Variants in FMNL2 observed in about 807,000 individuals in gnomAD.
FMNL2 encodes formin-like protein 2.
Under a neutral mutation model 130.2 loss-of-function variants are expected in FMNL2, and 51 were observed. That is an observed-to-expected ratio of 0.39 (90% CI 0.31 to 0.49). The LOEUF (loss-of-function observed/expected upper bound fraction) is 0.49. FMNL2 is among the 20% of genes least tolerant of loss of function. The pLI, the probability that FMNL2 is intolerant of heterozygous loss-of-function variation, is 0.85. For missense variants in FMNL2, 977 were observed against 1,316.2 expected (o/e 0.74, Z 3.99); for synonymous variants, 465 against 467.1 (o/e 1.00, Z 0.06).
At chr2:152,337,391 C>CTGTG (rs10524595) in intron 1 of FMNL2, among the ~76,000 whole-genome samples, 9,570 of 143,380 alleles carry the variant, frequency 0.067, 541 homozygotes, top group African/African-American at 0.15. Flanking sequence ...CTGTGGTGCT[C>CTGTG]TGTGTGTGTG....
Position 152,507,417 on chromosome 2 carries a change from TATGTC to T in FMNL2, c.118-14524_118-14520del, listed in dbSNP as rs1294155849. Among the ~76,000 whole-genome samples the T allele has an allele frequency of 9.2e-5, 14 of 152,246 alleles. No individual in the cohort carries two copies. In the East Asian group the frequency reaches 1.2e-3, roughly 13 times the overall value. ...GAATAGCTAAAGTTTATTGAACACTTATGTCAGGCACTGAGCTTGATGAAACACTT... is the reference window on the plus strand; with the variant it reads ...GAATAGCTAAAGTTTATTGAACACTTAGGCACTGAGCTTGATGAAACACTT... On this transcript the variant is annotated intron_variant, in intron 1 of 25. Transcript: ENST00000288670.
At chr2:152,414,796 T>C (rs1686516273) in intron 1 of FMNL2, among the ~76,000 whole-genome samples, 1 of 152,240 alleles carries the variant, frequency 6.6e-6, no homozygotes, top group Non-Finnish European at 1.5e-5. Context: ...ATGATTCTTC[T>C]TTTCCTAACT....
At chr2:152,457,963 A>G (rs1689046579) in intron 1 of FMNL2, among the ~76,000 whole-genome samples, 1 of 152,220 alleles carries the variant, frequency 6.6e-6, no homozygotes, top group Admixed American at 6.5e-5. Flanking sequence ...AAGGTTCTCC[A>G]TCTATGAGGA....
intron 1 of FMNL2, among the ~76,000 whole-genome samples, chr2:152,400,598 A>G (rs2105960469): frequency 6.6e-6 from 1 of 152,292 alleles, no homozygotes; most frequent in East Asian, 1.9e-4. Context: ...GTATATTTCT[A>G]CCTACCTGTT....
At chr2:152,544,492 TC>T (rs967576549) in intron 3 of FMNL2, among the ~76,000 whole-genome samples, 1 of 152,188 alleles carries the variant, frequency 6.6e-6, no homozygotes, top group Non-Finnish European at 1.5e-5. Context: ...CTGCACTATT[TC>T]TTTGCAAAGG....
chr2:152,346,046 A>G (rs1682101546), intron 1 of FMNL2, among the ~76,000 whole-genome samples: 1 of 151,806 alleles, frequency 6.6e-6, no homozygotes. Flanking sequence ...TTCTTTTTAG[A>G]TGGAGTCTCA....
chr2:152,646,167 A>AAACAAAC (rs3080633), intron 25 of FMNL2, among the ~76,000 whole-genome samples: 3 of 150,140 alleles, frequency 2.0e-5, no homozygotes, highest in Non-Finnish European at 4.4e-5. Context: ...CAAAAAAAAA[A>AAACAAAC]AAACAAACAA....
At chr2:152,614,096 G>A (rs1369648796) in intron 11 of FMNL2, among the ~76,000 whole-genome samples, 2 of 152,102 alleles carry the variant, frequency 1.3e-5, no homozygotes, top group African/African-American at 2.4e-5. Flanking sequence ...CCCACCTCTC[G>A]CCTAACCTTC....
chr2:152,385,876 G>A (rs916213747), intron 1 of FMNL2, among the ~76,000 whole-genome samples: 4 of 152,162 alleles, frequency 2.6e-5, no homozygotes, highest in East Asian at 3.8e-4. Flanking sequence ...TTACCCATGT[G>A]AAAATGCTTG....
chr2:152,594,721 T>C (rs1697660060), intron 9 of FMNL2, among the ~76,000 whole-genome samples: 1 of 152,236 alleles, frequency 6.6e-6, no homozygotes, highest in African/African-American at 2.4e-5. Context: ...TCCCCTGTCC[T>C]ACCCCAAACT....
chr2:152,353,775 A>C (rs1002710025), intron 1 of FMNL2, among the ~76,000 whole-genome samples: 1 of 152,160 alleles, frequency 6.6e-6, no homozygotes, highest in Non-Finnish European at 1.5e-5. Context: ...TACTCTTTTA[A>C]AATTTGACTT....
intron 1 of FMNL2, among the ~76,000 whole-genome samples, chr2:152,520,825 A>G (rs1297154948): frequency 6.6e-6 from 1 of 152,162 alleles, no homozygotes; most frequent in Non-Finnish European, 1.5e-5. Context: ...TCACCCTATA[A>G]CACAAGACAA....
At chr2:152,613,832 A>G (rs908459766) in intron 11 of FMNL2, among the ~76,000 whole-genome samples, 13 of 152,332 alleles carry the variant, frequency 8.5e-5, no homozygotes, top group Admixed American at 8.5e-4. Flanking sequence ...TTCCCCAGGG[A>G]AAGTCATGAC....
chr2:152,504,621 T>A (rs1692051651), intron 1 of FMNL2, among the ~76,000 whole-genome samples: 1 of 152,150 alleles, frequency 6.6e-6, no homozygotes, highest in Non-Finnish European at 1.5e-5. Context: ...TTTAATATAT[T>A]CATGCTCAAA....
chr2:152,626,430 A>G, intron 16 of FMNL2, 95 bp from the exon 17 acceptor site: 1 of 1,025,450 alleles, frequency 9.8e-7, no homozygotes, highest in East Asian at 2.6e-5. Flanking sequence ...CTTAATAGAA[A>G]AAGTGACGTT....
chr2:152,355,929 G>A (rs1186525836), intron 1 of FMNL2, among the ~76,000 whole-genome samples: 3 of 152,112 alleles, frequency 2.0e-5, no homozygotes, highest in Non-Finnish European at 2.9e-5. Flanking sequence ...GTCCAAGCTC[G>A]TTCTCTCCTG....
At chr2:152,374,952 C>T (rs1216226145) in intron 1 of FMNL2, among the ~76,000 whole-genome samples, 1 of 152,230 alleles carries the variant, frequency 6.6e-6, no homozygotes, top group Non-Finnish European at 1.5e-5. Context: ...CCCTGCTAGG[C>T]TGTCCTGATG....
intron 1 of FMNL2, among the ~76,000 whole-genome samples, chr2:152,477,694 GAACAA>G (rs1297310594): frequency 1.3e-5 from 2 of 152,074 alleles, no homozygotes; most frequent in African/African-American, 2.4e-5. Context: ...TGGCAAATTA[GAACAA>G]AACAAAACAG....
chr2:152,574,137 T>G (rs1027312577), intron 6 of FMNL2, among the ~76,000 whole-genome samples: 2 of 152,134 alleles, frequency 1.3e-5, no homozygotes, highest in Non-Finnish European at 2.9e-5. Flanking sequence ...ACTTTACACC[T>G]CTTAAGAAAC....
Sources: gnomAD v4.1 joint callset for allele counts (sites outside exome capture counted in the v4.1 genomes callset) on GRCh38, gnomAD v4.1.1 for gene constraint, MANE v1.5 for transcripts, NCBI Gene and HGNC (gene_info 2026-07-23, HGNC 2026-07-21) for gene names.